The following NLGN4X variants were observed in gnomAD, a reference collection of about 807,000 sequenced individuals.
NLGN4X encodes the protein neuroligin-4, X-linked.
NLGN4X carries 3 observed loss-of-function variants against 40.3 expected under a neutral mutation model. The ratio of observed to expected loss-of-function variants is 0.07; its 90% CI spans 0.03 to 0.19. The LOEUF is 0.19. Among genes scored for constraint, NLGN4X ranks in the 10% least tolerant of loss-of-function variants. The pLI, the probability that NLGN4X is intolerant of heterozygous loss-of-function variation, is 1.00. For synonymous variants in NLGN4X, 270 were observed against 306.8 expected (o/e 0.88, Z 1.25); for missense variants, 382 against 708.3 (o/e 0.54, Z 5.23).
At chrX:5,990,414 G>A (rs1412050653) in intron 3 of NLGN4X, among the ~76,000 whole-genome samples, 1 of 110,775 alleles carries the variant, frequency 9.0e-6, no homozygotes, top group Non-Finnish European at 1.9e-5. Context: ...CACCCTGGGC[G>A]GGAGGCTGCA....
intron 2 of NLGN4X, among the ~76,000 whole-genome samples, chrX:6,137,938 T>A (rs1037419923): frequency 2.7e-5 from 3 of 111,812 alleles, no homozygotes; most frequent in Non-Finnish European, 5.6e-5. Flanking sequence ...ACATGTATGC[T>A]GCCTTCCCTC....
At chrX:6,166,284 C>T (rs1421464642) in intron 1 of NLGN4X, among the ~76,000 whole-genome samples, 1 of 110,643 alleles carries the variant, frequency 9.0e-6, no homozygotes, top group East Asian at 2.8e-4. Flanking sequence ...ATTGTAGAAA[C>T]AGAGTCTCAC....
chrX:5,961,388 T>C (rs1490995961), intron 3 of NLGN4X, among the ~76,000 whole-genome samples: 1 of 112,281 alleles, frequency 8.9e-6, no homozygotes, highest in East Asian at 2.8e-4. Context: ...TTTAAGTAAA[T>C]TACAATAATT....
At position 6,154,077 on chromosome X, in the gene NLGN4X, C is replaced by A. The variant is rs776297941; in HGVS notation, c.-305-2306G>T. Among the ~76,000 whole-genome samples, 4 of 111,934 alleles carry A rather than the reference C, an allele frequency of 3.6e-5. No individual in the cohort carries two copies. In the South Asian group the frequency reaches 1.1e-3, roughly 31 times the overall value. Reference sequence around the variant, plus strand: ...AAATGACATTGTGAACCATATAATTCTTTGTTGTGGGGGCGTCGCCTGTAC... The same window carrying A: ...AAATGACATTGTGAACCATATAATTATTTGTTGTGGGGGCGTCGCCTGTAC... On this transcript the variant is annotated intron_variant, in intron 1 of 5. Coordinates refer to ENST00000381095, the MANE Select transcript of NLGN4X (RefSeq NM_181332.3).
rs189973442 is a variant in NLGN4X, at chrX:6,136,548, G to A, written c.472+14447C>T. 9.2e-3 allele frequency among the ~76,000 whole-genome samples: 1,031 copies of A among 112,150 alleles called. 8 individuals are homozygous for A. The highest frequency in any genetic ancestry group is 0.032 in the African/African-American group (988 of 30,876). On this transcript the variant is annotated intron_variant, in intron 2 of 5. Coordinates refer to ENST00000381095, the MANE Select transcript of NLGN4X (RefSeq NM_181332.3). ...CTTGCTGGCTGTTGTTTCAGAGGCAGCTCTGAGCTTCTTGCCATATGCACC... is the reference window on the plus strand; with the variant it reads ...CTTGCTGGCTGTTGTTTCAGAGGCAACTCTGAGCTTCTTGCCATATGCACC...
intron 1 of NLGN4X, among the ~76,000 whole-genome samples, chrX:6,174,257 T>G (rs1481328277): frequency 9.2e-6 from 1 of 109,024 alleles, no homozygotes; most frequent in Admixed American, 9.8e-5. Flanking sequence ...CATTAAATAG[T>G]CAAAAAAAAA....
intron 1 of NLGN4X, among the ~76,000 whole-genome samples, chrX:6,168,799 C>T (rs1034693943): frequency 3.6e-5 from 4 of 111,482 alleles, no homozygotes; most frequent in Admixed American, 9.6e-5. Context: ...CAGGGTCTTG[C>T]TCTGTCACCC....
At chrX:5,994,505 C>T (rs778151908) in intron 3 of NLGN4X, among the ~76,000 whole-genome samples, 30 of 111,823 alleles carry the variant, frequency 2.7e-4, no homozygotes, top group Non-Finnish European at 5.6e-4. Flanking sequence ...ATCCCTCAAA[C>T]CAGGGGCAAA....
chrX:5,964,343 C>G (rs1263678767), intron 3 of NLGN4X, among the ~76,000 whole-genome samples: 1 of 111,560 alleles, frequency 9.0e-6, no homozygotes, highest in Admixed American at 9.5e-5. Context: ...TATGTGAATA[C>G]AGTGGTATTT....
intron 3 of NLGN4X, among the ~76,000 whole-genome samples, chrX:5,958,339 TA>T (rs35151172): frequency 0.072 from 7,964 of 110,589 alleles, 717 homozygotes; most frequent in African/African-American, 0.25. Flanking sequence ...ATCTTTTTGT[TA>T]AAAAAAAATC....
At position 6,147,572 on chromosome X, in the gene NLGN4X, T is replaced by G. The variant is rs770142197; in HGVS notation, c.472+3423A>C. 3.2e-4 allele frequency among the ~76,000 whole-genome samples: 36 copies of G among 111,431 alleles called. No homozygotes were observed. In the South Asian group the frequency reaches 0.013, roughly 40 times the overall value. On this transcript the variant is annotated intron_variant, in intron 2 of 5. Transcript: ENST00000381095. ...AGACTGGAACTTCTCGGCTTGACTT[T>G]CACAATTTATGTTTAATCAAGCTAC...
intron 2 of NLGN4X, among the ~76,000 whole-genome samples, chrX:6,054,373 G>A (rs1477257696): frequency 9.0e-6 from 1 of 110,996 alleles, no homozygotes; most frequent in Admixed American, 9.7e-5. Flanking sequence ...CCAGCACTTC[G>A]GAAGAACTAG....
chrX:6,133,882 T>C (rs752241215), intron 2 of NLGN4X, among the ~76,000 whole-genome samples: 29 of 111,919 alleles, frequency 2.6e-4, no homozygotes, highest in Non-Finnish European at 4.5e-4. Context: ...ATAGTACATA[T>C]TGTAGACTTT....
At chrX:6,202,477 A>G (rs1369929166) in intron 1 of NLGN4X, among the ~76,000 whole-genome samples, 1 of 108,766 alleles carries the variant, frequency 9.2e-6, no homozygotes, top group Admixed American at 9.9e-5. Flanking sequence ...AGGTAGGACT[A>G]CAGGCATATG....
At chrX:6,225,855 A>G (rs1323384429) in intron 1 of NLGN4X, among the ~76,000 whole-genome samples, 2 of 101,778 alleles carry the variant, frequency 2.0e-5, no homozygotes, top group Non-Finnish European at 4.0e-5. Flanking sequence ...TTCAAAAAGC[A>G]TAAGATAAGA....
intron 3 of NLGN4X, among the ~76,000 whole-genome samples, chrX:5,954,003 A>C (rs1183692613): frequency 9.0e-6 from 1 of 111,527 alleles, no homozygotes; most frequent in Non-Finnish European, 1.9e-5. Flanking sequence ...ATATGTGCTC[A>C]ACCTAATAAA....
At chrX:6,197,994 G>A (rs1475805229) in intron 1 of NLGN4X, among the ~76,000 whole-genome samples, 1 of 109,493 alleles carries the variant, frequency 9.1e-6, no homozygotes, top group Admixed American at 9.8e-5. Context: ...GAGCCCAGGA[G>A]CAGAGGCTGC....
chrX:6,056,965 G>A (rs2037647760), intron 2 of NLGN4X, among the ~76,000 whole-genome samples: 2 of 111,895 alleles, frequency 1.8e-5, no homozygotes, highest in Non-Finnish European at 3.8e-5. Context: ...CTAGCTCCTG[G>A]GAAGTGACTT....
chrX:5,907,018 T>G (rs184731462), intron 4 of NLGN4X, among the ~76,000 whole-genome samples: 166 of 109,750 alleles, frequency 1.5e-3, no homozygotes, highest in South Asian at 2.4e-3. Flanking sequence ...AAGGTGGATG[T>G]TGCGGTAAGC....
Sources: gnomAD v4.1 joint callset for allele counts (sites outside exome capture counted in the v4.1 genomes callset) on GRCh38, gnomAD v4.1.1 for gene constraint, MANE v1.5 for transcripts, NCBI Gene and HGNC (gene_info 2026-07-23, HGNC 2026-07-21) for gene names.